DCDC1: variants seen among roughly 807,000 people sequenced by gnomAD.
DCDC1 encodes doublecortin domain containing 1.
A neutral mutation model predicts 178.3 loss-of-function variants in DCDC1; 200 were observed. The ratio of observed to expected loss-of-function variants is 1.12; its 90% CI spans 1.00 to 1.26. The LOEUF (loss-of-function observed/expected upper bound fraction) is 1.26, where lower values mean the gene tolerates loss of function less well. Ranked by LOEUF, DCDC1 falls within the 50% of genes most tolerant of loss-of-function variation. The probability of loss-of-function intolerance (pLI) is 0.00; values close to 1 mark genes in which losing one functional copy is unlikely to be tolerated. For synonymous variants in DCDC1, 690 were observed against 604.8 expected (o/e 1.14, Z -2.07); for missense variants, 1,983 against 1,749.2 (o/e 1.13, Z -2.38).
At chr11:31,246,232 C>T (rs1341807390) in intron 8 of DCDC1, among the ~76,000 whole-genome samples, 2 of 151,928 alleles carry the variant, frequency 1.3e-5, no homozygotes, top group African/African-American at 4.8e-5. Flanking sequence ...ATTAAATATC[C>T]ATAACCATAA....
At chr11:31,334,055 T>C (rs939919539) in intron 2 of DCDC1, among the ~76,000 whole-genome samples, 5 of 152,208 alleles carry the variant, frequency 3.3e-5, no homozygotes, top group Non-Finnish European at 7.3e-5. Flanking sequence ...AGTCCCATAA[T>C]TCTTGGAGGC....
At chr11:31,009,307 T>C (rs1952030826) in intron 20 of DCDC1, among the ~76,000 whole-genome samples, 2 of 152,208 alleles carry the variant, frequency 1.3e-5, no homozygotes, top group Non-Finnish European at 2.9e-5. Context: ...TATAAATTTA[T>C]TGATAAGCTT....
At chr11:31,035,855 G>A (rs1283849095) in intron 20 of DCDC1, among the ~76,000 whole-genome samples, 1 of 152,146 alleles carries the variant, frequency 6.6e-6, no homozygotes, top group Non-Finnish European at 1.5e-5. Context: ...GAATTCTCCT[G>A]TAAGAAAGAG....
intron 9 of DCDC1, among the ~76,000 whole-genome samples, chr11:31,143,164 C>G (rs1224321398): frequency 6.6e-6 from 1 of 151,922 alleles, no homozygotes; most frequent in Non-Finnish European, 1.5e-5. Context: ...ACAATACAAT[C>G]TATAAGTAAG....
chr11:31,137,908 C>T (rs1963354025), intron 9 of DCDC1, 124 bp from the exon 10 acceptor site: 1 of 561,162 alleles, frequency 1.8e-6, no homozygotes, highest in Non-Finnish European at 3.1e-6. Flanking sequence ...ATGATACGTA[C>T]ATGAAAATAA....
At chr11:31,207,717 T>C (rs1972032723) in intron 9 of DCDC1, among the ~76,000 whole-genome samples, 1 of 152,172 alleles carries the variant, frequency 6.6e-6, no homozygotes, top group Non-Finnish European at 1.5e-5. Flanking sequence ...CCCCTTCTAT[T>C]TCTCTACTCT....
At chr11:30,891,934 G>A (rs1223918703) in intron 36 of DCDC1, among the ~76,000 whole-genome samples, 1 of 152,072 alleles carries the variant, frequency 6.6e-6, no homozygotes, top group African/African-American at 2.4e-5. Context: ...GCTACTCTAT[G>A]TGCCCTCACC....
chr11:30,894,430 T>C (rs372252398), intron 34 of DCDC1, 46 bp from the exon 35 acceptor site: 2 of 1,599,202 alleles, frequency 1.3e-6, no homozygotes, highest in South Asian at 1.1e-5. Context: ...TGATAGGCTT[T>C]CAGATTTCAA....
At chr11:31,118,100 A>G (rs1960243632) in intron 11 of DCDC1, among the ~76,000 whole-genome samples, 1 of 152,098 alleles carries the variant, frequency 6.6e-6, no homozygotes, top group Non-Finnish European at 1.5e-5. Context: ...TGCCCCTCAA[A>G]TTTTATTTTA....
At chr11:31,196,891 C>T (rs911065157) in intron 9 of DCDC1, among the ~76,000 whole-genome samples, 72 of 152,020 alleles carry the variant, frequency 4.7e-4, no homozygotes, top group African/African-American at 1.6e-3. Flanking sequence ...GTCCAGGGAC[C>T]CCAGCCACAA....
chr11:31,300,852 T>C (rs1948064985), intron 6 of DCDC1, among the ~76,000 whole-genome samples: 1 of 152,160 alleles, frequency 6.6e-6, no homozygotes, highest in Admixed American at 6.5e-5. Context: ...TAAACAAATG[T>C]AGTCTCTGTG....
intron 25 of DCDC1, 70 bp downstream of exon 25, chr11:30,920,706 C>T: frequency 6.4e-7 from 1 of 1,565,284 alleles, no homozygotes. Context: ...GGGCTCTGTG[C>T]TGTTATCGGG....
chr11:30,927,299 T>G (rs1018366254), intron 22 of DCDC1, among the ~76,000 whole-genome samples: 2 of 152,012 alleles, frequency 1.3e-5, no homozygotes, highest in African/African-American at 4.8e-5. Flanking sequence ...GGCTTTCTGA[T>G]TGTTTCACTA....
At chr11:31,186,602 C>T (rs1969525730) in intron 9 of DCDC1, among the ~76,000 whole-genome samples, 1 of 152,202 alleles carries the variant, frequency 6.6e-6, no homozygotes, top group Non-Finnish European at 1.5e-5. Context: ...CCCTCAGAGG[C>T]CAAAAAGCCC....
chr11:31,233,341 T>C (rs1001611010), intron 9 of DCDC1, among the ~76,000 whole-genome samples: 16 of 152,328 alleles, frequency 1.1e-4, no homozygotes, highest in Admixed American at 3.9e-4. Context: ...CACATGGGTA[T>C]GCTTTGTCTC....
intron 6 of DCDC1, among the ~76,000 whole-genome samples, chr11:31,300,929 T>A (rs1591693263): frequency 6.6e-6 from 1 of 152,202 alleles, no homozygotes; most frequent in Non-Finnish European, 1.5e-5. Flanking sequence ...ATTTGGTATT[T>A]GACAATACAA....
intron 20 of DCDC1, among the ~76,000 whole-genome samples, chr11:31,028,368 G>A (rs549492118): frequency 9.9e-5 from 15 of 151,846 alleles, no homozygotes; most frequent in South Asian, 4.2e-4. Flanking sequence ...ATGTCTTCTC[G>A]AAATGTTCAG....
intron 20 of DCDC1, among the ~76,000 whole-genome samples, chr11:30,964,342 C>T (rs1026765371): frequency 6.6e-6 from 1 of 152,090 alleles, no homozygotes; most frequent in African/African-American, 2.4e-5. Flanking sequence ...TCTTTATCAT[C>T]GAATGTGCAG....
At chr11:31,360,878 TAGATA>T (rs1951677298) in intron 1 of DCDC1, among the ~76,000 whole-genome samples, 1 of 152,136 alleles carries the variant, frequency 6.6e-6, no homozygotes, top group African/African-American at 2.4e-5. Context: ...ACCTACTCTA[TAGATA>T]AAGGAGGTCC....
Sources: allele counts gnomAD v4.1 joint callset (sites outside exome capture counted in the v4.1 genomes callset), GRCh38; gene constraint gnomAD v4.1.1; transcripts MANE v1.5; gene names NCBI Gene and HGNC (gene_info 2026-07-23, HGNC 2026-07-21).